AFG2A: variants seen among roughly 807,000 people sequenced by gnomAD.
AFG2A encodes the protein ATPase family gene 2 protein homolog A.
chr4:123,104,272 G>A, the AFG2A span, among the ~76,000 whole-genome samples: 2 of 151,858 alleles, frequency 1.3e-5, no homozygotes, highest in Non-Finnish European at 2.9e-5. Context: ...CATTATTATT[G>A]TAATTGTTTT....
At chr4:123,285,519 T>C in the AFG2A span, among the ~76,000 whole-genome samples, 1 of 152,162 alleles carries the variant, frequency 6.6e-6, no homozygotes, top group Non-Finnish European at 1.5e-5. Context: ...GCCCACCCTA[T>C]GCCACCTCTG....
At chr4:123,172,373 A>G in the AFG2A span, among the ~76,000 whole-genome samples, 1 of 152,228 alleles carries the variant, frequency 6.6e-6, no homozygotes, top group African/African-American at 2.4e-5. Flanking sequence ...TAGTCTTTGC[A>G]TGATAAATTA....
chr4:123,288,443 A>G, the AFG2A span, among the ~76,000 whole-genome samples: 5,243 of 152,278 alleles, frequency 0.034, 121 homozygotes, highest in African/African-American at 0.05. Flanking sequence ...AAAGTTGAGT[A>G]TGTACATACA....
chr4:122,977,324 G>A, the AFG2A span, among the ~76,000 whole-genome samples: 16,481 of 152,262 alleles, frequency 0.11, 995 homozygotes, highest in Middle Eastern at 0.21. Flanking sequence ...AGTGAAGGGG[G>A]TGTGAGTGAG....
At chr4:122,958,423 G>C in the AFG2A span, among the ~76,000 whole-genome samples, 1 of 152,200 alleles carries the variant, frequency 6.6e-6, no homozygotes, top group Non-Finnish European at 1.5e-5. Context: ...TCGTGAGTTT[G>C]ACACTAAGAG....
At chr4:123,012,730 A>G in the AFG2A span, among the ~76,000 whole-genome samples, 12 of 152,326 alleles carry the variant, frequency 7.9e-5, no homozygotes, top group Admixed American at 5.9e-4. Flanking sequence ...GAAGTGTGGC[A>G]CCAAGATTGA....
chr4:123,258,502 T>C, the AFG2A span, among the ~76,000 whole-genome samples: 2 of 152,184 alleles, frequency 1.3e-5, no homozygotes, highest in Non-Finnish European at 2.9e-5. Flanking sequence ...TTAGGAAAAA[T>C]AGACTTCAGT....
the AFG2A span, among the ~76,000 whole-genome samples, chr4:123,203,613 C>T: frequency 3.9e-5 from 6 of 152,192 alleles, no homozygotes; most frequent in Non-Finnish European, 8.8e-5. Flanking sequence ...AGTTACACTG[C>T]TTTATGGATG....
At chr4:123,140,251 A>G in the AFG2A span, among the ~76,000 whole-genome samples, 18 of 152,168 alleles carry the variant, frequency 1.2e-4, no homozygotes, top group Admixed American at 6.5e-4. Context: ...TCCTTTGTCA[A>G]CCACTCTTAT....
chr4:123,058,026 G>A, the AFG2A span, among the ~76,000 whole-genome samples: 1 of 152,300 alleles, frequency 6.6e-6, no homozygotes, highest in South Asian at 2.1e-4. Flanking sequence ...GGTGTCAGTA[G>A]TAAGTGTGAT....
At chr4:123,007,304 C>T in the AFG2A span, among the ~76,000 whole-genome samples, 5 of 151,742 alleles carry the variant, frequency 3.3e-5, no homozygotes, top group Admixed American at 6.6e-5. Context: ...TCTGGCTATT[C>T]GGAGGAGGCA....
the AFG2A span, among the ~76,000 whole-genome samples, chr4:123,031,139 T>C: frequency 3.3e-3 from 508 of 152,242 alleles, 3 homozygotes; most frequent in Middle Eastern, 0.014. Flanking sequence ...CCAAAGAAGT[T>C]GGGAATTCAT....
At chr4:123,144,407 T>G in the AFG2A span, among the ~76,000 whole-genome samples, 1 of 152,118 alleles carries the variant, frequency 6.6e-6, no homozygotes, top group African/African-American at 2.4e-5. Flanking sequence ...TAATGCTAAC[T>G]GGGCTTTCCT....
At chr4:123,089,972 G>C in the AFG2A span, among the ~76,000 whole-genome samples, 1 of 152,114 alleles carries the variant, frequency 6.6e-6, no homozygotes, top group Non-Finnish European at 1.5e-5. Flanking sequence ...AACTGGCTTT[G>C]TAATGGACTT....
chr4:123,012,671 G>T, the AFG2A span, among the ~76,000 whole-genome samples: 1 of 152,152 alleles, frequency 6.6e-6, no homozygotes, highest in Non-Finnish European at 1.5e-5. Context: ...CATCTCCTTT[G>T]TCTCTACCAG....
At chr4:123,293,387 G>A in the AFG2A span, among the ~76,000 whole-genome samples, 1 of 152,150 alleles carries the variant, frequency 6.6e-6, no homozygotes, top group Non-Finnish European at 1.5e-5. Context: ...AGGACTCAAA[G>A]GCTGCACTCT....
the AFG2A span, among the ~76,000 whole-genome samples, chr4:123,166,627 G>A: frequency 0.034 from 5,204 of 152,140 alleles, 304 homozygotes; most frequent in African/African-American, 0.12. Context: ...TATGGATTTC[G>A]TTGGTTATAT....
chr4:123,166,084 A>G, the AFG2A span, among the ~76,000 whole-genome samples: 12 of 152,312 alleles, frequency 7.9e-5, no homozygotes, highest in Non-Finnish European at 1.6e-4. Context: ...AATACATAGT[A>G]TCTGTGATGG....
the AFG2A span, among the ~76,000 whole-genome samples, chr4:123,201,517 A>T: frequency 3.9e-4 from 60 of 152,356 alleles, 1 homozygote; most frequent in African/African-American, 1.3e-3. Context: ...TTGTAGAGTG[A>T]CATACTTTGC....
Sources: gnomAD v4.1 joint callset for allele counts (sites outside exome capture counted in the v4.1 genomes callset) on GRCh38, gnomAD v4.1.1 for gene constraint, MANE v1.5 for transcripts, NCBI Gene and HGNC (gene_info 2026-07-23, HGNC 2026-07-21) for gene names.